SV2B: variants seen among roughly 807,000 people sequenced by gnomAD.
The protein encoded by SV2B is synaptic vesicle glycoprotein 2B.
SV2B carries 41 observed loss-of-function variants against 73.9 expected under a neutral mutation model. The observed-to-expected ratio is 0.56, with a 90% confidence interval of 0.43 to 0.72. SV2B has a LOEUF of 0.72. Among genes scored for constraint, SV2B ranks in the 30% least tolerant of loss-of-function variants. The pLI, the probability that SV2B is intolerant of heterozygous loss-of-function variation, is 0.00. For synonymous variants in SV2B, 314 were observed against 314.2 expected (o/e 1.00, Z 0.01); for missense variants, 764 against 857.8 (o/e 0.89, Z 1.37).
At chr15:91,120,806 T>G (rs964135951) in intron 1 of SV2B, among the ~76,000 whole-genome samples, 1 of 131,966 alleles carries the variant, frequency 7.6e-6, no homozygotes, top group African/African-American at 2.8e-5. Context: ...AGTGAGAACC[T>G]GTCTCAAAAA....
chr15:91,228,369 A>G (rs1245153423), intron 2 of SV2B, among the ~76,000 whole-genome samples: 1 of 152,216 alleles, frequency 6.6e-6, no homozygotes, highest in African/African-American at 2.4e-5. Flanking sequence ...TATAAATAAT[A>G]GATTTTTTTT....
chr15:91,129,803 T>C lies in SV2B; in HGVS notation c.-392+29440T>C, dbSNP rs1025135794. Among the ~76,000 whole-genome samples the C allele has an allele frequency of 8.5e-5, 13 of 152,196 alleles. No homozygotes were observed. The highest frequency in any genetic ancestry group is 3.9e-4 in the Admixed American group (6 of 15,282). On this transcript the variant is annotated intron_variant, in intron 1 of 12. Transcript: ENST00000394232. This position sits in a 1 kb window ranked among gnomAD's most constrained non-coding sequence, Gnocchi z 5.1. Reference sequence around the variant, plus strand: ...AATCCCAGCCCTGCCACTTACTAACTGTGTGACCGTAAGTATGGTTTTCCT... The same window carrying C: ...AATCCCAGCCCTGCCACTTACTAACCGTGTGACCGTAAGTATGGTTTTCCT...
chr15:91,247,475 C>T (rs1364507019), intron 2 of SV2B, among the ~76,000 whole-genome samples: 1 of 152,102 alleles, frequency 6.6e-6, no homozygotes, highest in African/African-American at 2.4e-5. Flanking sequence ...ACTGAGGTAG[C>T]AAATGCAGGG....
rs1052821658 is a variant in SV2B at position 91,184,624 on chromosome 15, A to G, written c.-391-41249A>G. 5.5e-4 allele frequency among the ~76,000 whole-genome samples: 83 copies of G among 151,734 alleles called. 5 individuals carry two copies. The highest frequency in any genetic ancestry group is 2.9e-5 in the Non-Finnish European group (2 of 67,946). Reference sequence around the variant, plus strand: ...TTTCTTCTTTAGCTTGTTTTTTTCCATTGCTTGCCAGCTGCTTCTTCCTTT... The same window carrying G: ...TTTCTTCTTTAGCTTGTTTTTTTCCGTTGCTTGCCAGCTGCTTCTTCCTTT... On this transcript the variant is annotated intron_variant, in intron 1 of 12. Coordinates refer to ENST00000394232, the MANE Select transcript of SV2B (RefSeq NM_001323032.3).
At position 91,283,869 on chromosome 15, in the gene SV2B, TG is replaced by T; in HGVS notation, c.1508-150del. On this transcript the variant is annotated intron_variant, in intron 10 of 12. Coordinates refer to ENST00000394232, the MANE Select transcript of SV2B (RefSeq NM_001323032.3). The surrounding 1 kb of genome is among the most constrained non-coding windows in gnomAD (Gnocchi z 4.3). ...TCTCCTCATCCATACCTTGATGACATGGCCACATATTACCTTGACTTTGAGG... is the reference window on the plus strand; with the variant it reads ...TCTCCTCATCCATACCTTGATGACATGCCACATATTACCTTGACTTTGAGG... 1 of 766,498 alleles carries T rather than the reference TG, an allele frequency of 1.3e-6. No individual in the cohort carries two copies. The highest frequency in any genetic ancestry group is 2.2e-6 in the Non-Finnish European group (1 of 455,304). The allele number at this position is 766,498 out of a possible 1,614,324, so 47.5% of individuals were successfully genotyped here.
intron 2 of SV2B, among the ~76,000 whole-genome samples, chr15:91,248,276 G>C (rs189996205): frequency 3.9e-5 from 6 of 152,196 alleles, no homozygotes; most frequent in South Asian, 2.1e-4. Flanking sequence ...AGCCGAGATC[G>C]TGCCACTACA....
intron 1 of SV2B, among the ~76,000 whole-genome samples, chr15:91,221,693 G>GCGCGCGTGCACACA (rs370290337): frequency 7.1e-6 from 1 of 140,068 alleles, no homozygotes; most frequent in Non-Finnish European, 1.5e-5. Context: ...AAGCATGTGC[G>GCGCGCGTGCACACA]CACACACACA....
chr15:91,162,575 G>A (rs1431539469), intron 1 of SV2B, among the ~76,000 whole-genome samples: 1 of 152,114 alleles, frequency 6.6e-6, no homozygotes, highest in Non-Finnish European at 1.5e-5. Context: ...GCATGGAAGT[G>A]GACTGGATTC....
chr15:91,147,748 A>G (rs1420987941), intron 1 of SV2B, among the ~76,000 whole-genome samples: 2 of 152,106 alleles, frequency 1.3e-5, no homozygotes, highest in Non-Finnish European at 2.9e-5. Flanking sequence ...GAGAGTTAAT[A>G]TCTTAAAATA....
chr15:91,260,980 AAGATG>A (rs1338598318), intron 6 of SV2B, among the ~76,000 whole-genome samples: 5 of 152,236 alleles, frequency 3.3e-5, no homozygotes, highest in Non-Finnish European at 7.3e-5. Flanking sequence ...AGTACAGTTC[AAGATG>A]AGATTTGTGT....
At position 91,296,789 on chromosome 15, in the gene SV2B, A is replaced by G. The variant is rs2049253903; in HGVS notation, c.*4237A>G. 7.0e-6 allele frequency: 1 copy of G among 142,052 alleles called. No homozygotes were observed. The highest frequency in any genetic ancestry group is 2.0e-4 in the South Asian group (1 of 4,884). 8.8% of individuals were successfully genotyped at this position (142,052 alleles called of 1,614,324 possible). On this transcript the variant is annotated 3_prime_UTR_variant, in exon 13 of 13. Transcript: ENST00000394232. ...GTTGGGAGCACACTCCTTCTGCCCA[A>G]TCATTGGGCTCACGCTCCTTCTGCC...
At chr15:91,278,469 A>G (rs1269801532) in intron 9 of SV2B, among the ~76,000 whole-genome samples, 1 of 151,844 alleles carries the variant, frequency 6.6e-6, no homozygotes, top group Non-Finnish European at 1.5e-5. Flanking sequence ...TGAGGTCAGG[A>G]GATCGAGACC....
intron 2 of SV2B, among the ~76,000 whole-genome samples, chr15:91,248,607 T>C (rs1345947634): frequency 1.3e-5 from 2 of 152,142 alleles, no homozygotes; most frequent in African/African-American, 2.4e-5. Flanking sequence ...GATCTTTGGG[T>C]TCCAAGGCCT....
intron 1 of SV2B, among the ~76,000 whole-genome samples, chr15:91,114,142 C>T (rs1253742437): frequency 6.9e-6 from 1 of 145,382 alleles, no homozygotes; most frequent in South Asian, 2.2e-4. Flanking sequence ...CGAGATCGCG[C>T]CACTGCACTC....
In SV2B at chr15:91,283,619, A is replaced by C. The variant is rs997047662; in HGVS notation, c.1508-402A>C. ...CCTAGCTAATTTAAAAGAAAATTTT[A>C]TTTATTTATTTATTTGTAGAGATAA... On this transcript the variant is annotated intron_variant, in intron 10 of 12. Coordinates refer to ENST00000394232, the MANE Select transcript of SV2B (RefSeq NM_001323032.3). The surrounding 1 kb of genome is among the most constrained non-coding windows in gnomAD (Gnocchi z 4.3). 2.6e-5 allele frequency among the ~76,000 whole-genome samples: 4 copies of C among 151,794 alleles called. No homozygotes were observed. The highest frequency in any genetic ancestry group is 2.1e-4 in the South Asian group (1 of 4,800).
At chr15:91,148,720 T>G (rs1224792731) in intron 1 of SV2B, among the ~76,000 whole-genome samples, 4 of 152,178 alleles carry the variant, frequency 2.6e-5, no homozygotes, top group Non-Finnish European at 5.9e-5. Flanking sequence ...AGATCTGCAG[T>G]TGGCAAGCTG....
intron 9 of SV2B, among the ~76,000 whole-genome samples, chr15:91,278,837 T>C (rs966681186): frequency 2.0e-5 from 3 of 152,106 alleles, no homozygotes; most frequent in Non-Finnish European, 4.4e-5. Flanking sequence ...TAAGGTAATA[T>C]GTGAGAAGCC....
At position 91,292,482 on chromosome 15, in the gene SV2B, C is replaced by T; in HGVS notation, c.1982C>T (p.Ala661Val). 6.2e-7 allele frequency: 1 copy of T among 1,614,216 alleles called. No individual in the cohort carries two copies. Among genetic ancestry groups the T allele is most frequent in the Middle Eastern group, 1.6e-4 (1 of 6,062 alleles). Residue 661 changes from alanine (A) to valine (V), a missense_variant, in exon 13 of 13, where the codon GCT becomes GTT. Ala to Val is a moderately conservative substitution (Grantham distance 64, BLOSUM62 0). Transcript: ENST00000394232. The stretch of plus-strand genomic sequence containing the variant: ...AAAGTGGTCCCCATCCTTCTGGCTG[C>T]TGCTTCTCTGGTTGGGGGTGGCCTG... ...ITKVVPILLA[A>V]ASLVGGGLIA...
chr15:91,171,447 G>C (rs1596516374), intron 1 of SV2B, among the ~76,000 whole-genome samples: 1 of 152,178 alleles, frequency 6.6e-6, no homozygotes, highest in Admixed American at 6.5e-5. Flanking sequence ...GCTGGGCCAG[G>C]CTGCCTCTCT....
Sources: allele counts gnomAD v4.1 joint callset (sites outside exome capture counted in the v4.1 genomes callset), GRCh38; gene constraint gnomAD v4.1.1; non-coding constraint Gnocchi (gnomAD v3.1); transcripts MANE v1.5; gene names NCBI Gene and HGNC (gene_info 2026-07-23, HGNC 2026-07-21).